THNSL1: variants seen among roughly 807,000 people sequenced by gnomAD.
The protein encoded by THNSL1 is threonine synthase-like 1.
In THNSL1, 48 loss-of-function variants were observed where a neutral mutation model predicts 50.4. The ratio of observed to expected loss-of-function variants is 0.95; its 90% confidence interval spans 0.76 to 1.21. THNSL1 has a LOEUF of 1.21. THNSL1 is among the 50% of genes most tolerant of loss of function. The pLI is 0.00. For synonymous variants in THNSL1, 309 were observed against 306.1 expected, an observed-to-expected ratio of 1.01 and a Z score of -0.10; for missense variants, 896 against 871.7, an observed-to-expected ratio of 1.03 and a Z score of -0.35.
At chr10:25,005,923 A>G in the THNSL1 span, among the ~76,000 whole-genome samples, 2 of 152,240 alleles carry the variant, frequency 1.3e-5, no homozygotes, top group South Asian at 4.1e-4. Flanking sequence ...TGTGCTGTGT[A>G]ATATAGCCAC....
chr10:25,014,293 T>C (rs1013707277), upstream of THNSL1, among the ~76,000 whole-genome samples: 7 of 152,184 alleles, frequency 4.6e-5, no homozygotes, highest in Admixed American at 1.3e-4. Context: ...CCAGTGTAAA[T>C]TGACTTTAAC....
At chr10:24,988,613 G>GAGGATTAT in the THNSL1 span, among the ~76,000 whole-genome samples, 2 of 112,194 alleles carry the variant, frequency 1.8e-5, no homozygotes, top group African/African-American at 6.9e-5. Context: ...GTCACCACTG[G>GAGGATTAT]AGGATTATAG....
At chr10:25,008,285 A>C in the THNSL1 span, among the ~76,000 whole-genome samples, 1 of 152,186 alleles carries the variant, frequency 6.6e-6, no homozygotes, top group Non-Finnish European at 1.5e-5. Context: ...CTTTCTTTGA[A>C]TATAAGTTAA....
chr10:25,004,266 A>G, the THNSL1 span, among the ~76,000 whole-genome samples: 68,719 of 151,984 alleles, frequency 0.45, 16,745 homozygotes, highest in African/African-American at 0.65. Flanking sequence ...ATAATAGAAC[A>G]ATTTCTATTC....
At chr10:24,995,825 A>G in the THNSL1 span, 2 of 1,613,368 alleles carry the variant, frequency 1.2e-6, no homozygotes, top group African/African-American at 2.7e-5. Flanking sequence ...TCAGTCTTCA[A>G]TGGCACAGCA....
At chr10:25,018,664 T>G (rs5783913) in intron 1 of THNSL1, among the ~76,000 whole-genome samples, 20,767 of 83,828 alleles carry the variant, frequency 0.25, 3,277 homozygotes, top group African/African-American at 0.5. Flanking sequence ...GAGTTGTTTT[T>G]TTTTTTTTTT....
the THNSL1 span, among the ~76,000 whole-genome samples, chr10:24,970,520 G>A: frequency 1.3e-5 from 2 of 151,692 alleles, no homozygotes; most frequent in Admixed American, 6.6e-5. Context: ...GACTAGCCTG[G>A]GCAACATAGC....
In THNSL1 at chr10:25,024,313, C is replaced by A; in HGVS notation, c.1090C>A (p.His364Asn). The A allele has an allele frequency of 1.2e-6, 2 of 1,614,190 alleles. No homozygotes were observed. The highest frequency in any genetic ancestry group is 1.1e-5 in the South Asian group (1 of 91,090). Residue 364 changes from histidine (H) to asparagine (N), a missense_variant, in exon 3 of 3, where the codon CAC (histidine) becomes AAC (asparagine). Physicochemically the swap from His to Asn is moderately conservative, Grantham distance 68 (BLOSUM62 1). Transcript: ENST00000376356. ...ACAGCTTATGCCTCATATTTTTGCA[C>A]ACTGTATCCCACCAAGTTGCAATTA... ...SLQLMPHIFA[H>N]CIPPSCNYMI...
At chr10:24,990,187 G>T in the THNSL1 span, among the ~76,000 whole-genome samples, 3 of 152,092 alleles carry the variant, frequency 2.0e-5, no homozygotes, top group African/African-American at 7.2e-5. Context: ...ATGCATGTTC[G>T]TTGTAGAGGA....
chr10:24,967,669 A>G, the THNSL1 span, among the ~76,000 whole-genome samples: 6 of 150,726 alleles, frequency 4.0e-5, no homozygotes, highest in Non-Finnish European at 8.8e-5. Context: ...TGTGTGTATG[A>G]TGTGTGTGTA....
chr10:24,989,080 G>A, the THNSL1 span, among the ~76,000 whole-genome samples: 3 of 152,190 alleles, frequency 2.0e-5, no homozygotes, highest in East Asian at 5.8e-4. Flanking sequence ...GGAAGGACCT[G>A]TCACTTCTAA....
At chr10:25,014,064 G>A (rs1850510963), upstream of THNSL1, among the ~76,000 whole-genome samples, 1 of 152,154 alleles carries the variant, frequency 6.6e-6, no homozygotes, top group South Asian at 2.1e-4. Flanking sequence ...TGACTCTGAG[G>A]CTTTCATAAC....
At chr10:24,991,388 T>C in the THNSL1 span, among the ~76,000 whole-genome samples, 1 of 151,964 alleles carries the variant, frequency 6.6e-6, no homozygotes, top group East Asian at 1.9e-4. Context: ...TATGCCTCCA[T>C]CCTGTGCCTA....
At chr10:25,001,483 G>A in the THNSL1 span, among the ~76,000 whole-genome samples, 6 of 151,766 alleles carry the variant, frequency 4.0e-5, no homozygotes, top group South Asian at 2.1e-4. Context: ...TTCCTCATCC[G>A]TTTTCTCCTC....
Position 25,021,847 on chromosome 10 carries a change from A to G in THNSL1, c.-110A>G, listed in dbSNP as rs546719165. The G allele has an allele frequency of 2.0e-5, 3 of 152,328 alleles. No homozygotes were observed. The highest frequency in any genetic ancestry group is 2.1e-4 in the South Asian group (1 of 4,834). 9.4% of individuals were successfully genotyped at this position (152,328 alleles called of 1,614,324 possible). On this transcript the variant is annotated 5_prime_UTR_variant, in exon 2 of 3. Transcript: ENST00000376356. The stretch of plus-strand genomic sequence containing the variant: ...AGTCAGTGGAAATTAAGCACAACAC[A>G]TATAAATTGAAAAGTCAAATAAGGA...
the THNSL1 span, among the ~76,000 whole-genome samples, chr10:24,977,818 T>A: frequency 1.3e-5 from 2 of 152,216 alleles, no homozygotes; most frequent in African/African-American, 4.8e-5. Context: ...ATAACATTAG[T>A]TGTCTCAGGA....
the THNSL1 span, among the ~76,000 whole-genome samples, chr10:24,989,708 AT>A: frequency 6.6e-6 from 1 of 152,204 alleles, no homozygotes; most frequent in Non-Finnish European, 1.5e-5. Context: ...ATATGAATCC[AT>A]TTTTCAACAG....
intron 2 of THNSL1, among the ~76,000 whole-genome samples, chr10:25,022,868 T>C (rs1286448450): frequency 6.6e-6 from 1 of 152,208 alleles, no homozygotes; most frequent in Admixed American, 6.5e-5. Flanking sequence ...GTATATATAC[T>C]TTTAAAAGCA....
chr10:24,995,961 A>G, the THNSL1 span: 2 of 1,020,266 alleles, frequency 2.0e-6, no homozygotes, highest in Non-Finnish European at 2.8e-6. Context: ...CCACTTGTAT[A>G]TTGAAGTTGC....
Sources: allele counts gnomAD v4.1 joint callset (sites outside exome capture counted in the v4.1 genomes callset), GRCh38; gene constraint gnomAD v4.1.1; transcripts MANE v1.5; gene names NCBI Gene and HGNC (gene_info 2026-07-23, HGNC 2026-07-21).